The following CPQ variants were observed in gnomAD, a reference collection of about 807,000 sequenced individuals.
CPQ encodes the protein Ser-Met dipeptidase.
In CPQ, 37 loss-of-function variants were observed where a neutral mutation model predicts 45.7. That is an observed-to-expected ratio of 0.81 (90% confidence interval 0.62 to 1.07). The LOEUF (loss-of-function observed/expected upper bound fraction) is 1.07, where lower values mean the gene tolerates loss of function less well. CPQ is among the 50% of genes least tolerant of loss of function. The probability of loss-of-function intolerance (pLI) is 0.00; values close to 1 mark genes in which losing one functional copy is unlikely to be tolerated. For synonymous variants in CPQ, 186 were observed against 205.8 expected (o/e 0.90, Z 0.82); for missense variants, 537 against 572.9 (o/e 0.94, Z 0.64).
chr8:96,998,059 T>C (rs1809206061), intron 5 of CPQ, among the ~76,000 whole-genome samples: 2 of 151,982 alleles, frequency 1.3e-5, no homozygotes, highest in South Asian at 2.1e-4. Flanking sequence ...CAGTCTTACA[T>C]TCCCCTACAC....
chr8:96,958,958 A>T (rs1345946185), intron 4 of CPQ, among the ~76,000 whole-genome samples: 1 of 151,766 alleles, frequency 6.6e-6, no homozygotes, highest in African/African-American at 2.4e-5. Context: ...TTCAAGAGGA[A>T]CCCACATGTT....
intron 1 of CPQ, among the ~76,000 whole-genome samples, chr8:96,705,769 G>T (rs1256500904): frequency 6.6e-6 from 1 of 152,002 alleles, no homozygotes; most frequent in Non-Finnish European, 1.5e-5. Flanking sequence ...TTTGTCCAAA[G>T]AATCCCAGGG....
chr8:96,811,627 CTA>C (rs1174309122), intron 2 of CPQ, among the ~76,000 whole-genome samples: 5 of 152,034 alleles, frequency 3.3e-5, no homozygotes, highest in African/African-American at 1.2e-4. Context: ...CAAAAAAACT[CTA>C]TGTTATAATC....
At chr8:96,929,517 A>G (rs1563531568) in intron 4 of CPQ, among the ~76,000 whole-genome samples, 1 of 152,114 alleles carries the variant, frequency 6.6e-6, no homozygotes, top group Non-Finnish European at 1.5e-5. Context: ...TTAGAGTGTG[A>G]TACCCCCTCC....
chr8:96,762,100 C>A (rs1172901323), intron 1 of CPQ, among the ~76,000 whole-genome samples: 1 of 152,022 alleles, frequency 6.6e-6, no homozygotes, highest in Non-Finnish European at 1.5e-5. Flanking sequence ...GGAAGTATAT[C>A]CTGGATGGTT....
At chr8:97,108,427 T>C (rs911572398) in intron 7 of CPQ, among the ~76,000 whole-genome samples, 1 of 152,214 alleles carries the variant, frequency 6.6e-6, no homozygotes, top group African/African-American at 2.4e-5. Flanking sequence ...ATTATGTCAA[T>C]TTTAAAAATC....
At chr8:96,768,318 TGC>T in intron 1 of CPQ, among the ~76,000 whole-genome samples, 1 of 151,558 alleles carries the variant, frequency 6.6e-6, no homozygotes, top group East Asian at 1.9e-4. Context: ...CTTTGATTAA[TGC>T]CTGACCATTG....
chr8:97,043,268 G>A (rs1260321316), intron 6 of CPQ, among the ~76,000 whole-genome samples: 1 of 151,506 alleles, frequency 6.6e-6, no homozygotes, highest in Non-Finnish European at 1.5e-5. Flanking sequence ...TTTGATCTTT[G>A]TTGGTTTAAA....
intron 1 of CPQ, among the ~76,000 whole-genome samples, chr8:96,772,532 G>T (rs1563493181): frequency 6.6e-6 from 1 of 152,030 alleles, no homozygotes; most frequent in Non-Finnish European, 1.5e-5. Flanking sequence ...GAATGACTTT[G>T]CCAGTTAAAG....
chr8:96,679,452 T>A (rs1217271704), intron 1 of CPQ, among the ~76,000 whole-genome samples: 1 of 152,158 alleles, frequency 6.6e-6, no homozygotes. Context: ...GAATTAGGAA[T>A]AATTCCCTCT....
At chr8:96,658,953 A>G (rs1815668138) in intron 1 of CPQ, among the ~76,000 whole-genome samples, 1 of 152,250 alleles carries the variant, frequency 6.6e-6, no homozygotes, top group Non-Finnish European at 1.5e-5. Context: ...CTGCAAAATA[A>G]TAAATTTGTA....
chr8:97,091,977 G>A (rs1213715882), intron 7 of CPQ, among the ~76,000 whole-genome samples: 1 of 152,016 alleles, frequency 6.6e-6, no homozygotes, highest in African/African-American at 2.4e-5. Context: ...AATGCCTCTG[G>A]TACCAATAAC....
intron 4 of CPQ, among the ~76,000 whole-genome samples, chr8:96,962,834 A>G (rs968454501): frequency 2.6e-5 from 4 of 152,186 alleles, no homozygotes; most frequent in Admixed American, 2.6e-4. Context: ...TCTTTTTGTC[A>G]TTACCTAGTT....
chr8:97,097,167 A>G (rs1199356524), intron 7 of CPQ, among the ~76,000 whole-genome samples: 1 of 152,182 alleles, frequency 6.6e-6, no homozygotes, highest in Admixed American at 6.5e-5. Flanking sequence ...CTTTTATTCA[A>G]TAAGTCTATT....
intron 7 of CPQ, among the ~76,000 whole-genome samples, chr8:97,094,360 G>C (rs778944318): frequency 9.9e-5 from 15 of 152,154 alleles, no homozygotes; most frequent in Non-Finnish European, 1.9e-4. Context: ...TTCAGGCTGA[G>C]GAAATCACTA....
intron 1 of CPQ, among the ~76,000 whole-genome samples, chr8:96,738,825 G>A (rs889962979): frequency 4.6e-5 from 7 of 152,246 alleles, no homozygotes; most frequent in African/African-American, 9.6e-5. Context: ...ATTCCATGGT[G>A]TATATGTGCC....
chr8:97,088,125 A>G (rs1299407402), intron 7 of CPQ, among the ~76,000 whole-genome samples: 3 of 152,194 alleles, frequency 2.0e-5, no homozygotes, highest in African/African-American at 7.2e-5. Flanking sequence ...GCAATATTTC[A>G]CCCTTTGTGT....
intron 4 of CPQ, among the ~76,000 whole-genome samples, chr8:96,915,080 A>G (rs1243242634): frequency 1.3e-5 from 2 of 152,158 alleles, no homozygotes; most frequent in Non-Finnish European, 2.9e-5. Flanking sequence ...ATGACTGGAA[A>G]GCTTTTTGTT....
intron 4 of CPQ, among the ~76,000 whole-genome samples, chr8:96,926,737 T>C (rs765856309): frequency 6.6e-6 from 1 of 151,818 alleles, no homozygotes; most frequent in Non-Finnish European, 1.5e-5. Flanking sequence ...TCCAGGTTTA[T>C]TACATAGGTA....
Sources: allele counts gnomAD v4.1 joint callset (sites outside exome capture counted in the v4.1 genomes callset), GRCh38; gene constraint gnomAD v4.1.1; transcripts MANE v1.5; gene names NCBI Gene and HGNC (gene_info 2026-07-23, HGNC 2026-07-21).